CDH23: variants seen among roughly 807,000 people sequenced by gnomAD.
CDH23 encodes cadherin-23.
Under a neutral mutation model 317.1 loss-of-function variants are expected in CDH23, and 189 were observed. The observed-to-expected ratio is 0.60, with a 90% CI of 0.53 to 0.67. The LOEUF is 0.67. Ranked by LOEUF, CDH23 falls within the 30% of genes least tolerant of loss-of-function variation. CDH23 has a pLI of 0.00. For synonymous variants in CDH23, 1,839 were observed against 1,876.8 expected (o/e 0.98, Z 0.52); for missense variants, 4,401 against 4,592.4 (o/e 0.96, Z 1.20).
rs985139709 is a variant in CDH23 at position 71,738,397 on chromosome 10, C to G, written c.4210-101C>G. On this transcript the variant is annotated intron_variant, in intron 34 of 69. Coordinates refer to ENST00000224721, the MANE Select transcript of CDH23 (RefSeq NM_022124.6). ...TGAGGGTTTGCTGATGTTCCAGAAC[C>G]CACTGGGGATCTGGTCCCTACTGGA... The G allele has an allele frequency of 4.3e-6, 6 of 1,391,632 alleles. No individual in the cohort carries two copies. In the African/African-American group the frequency reaches 8.5e-5, roughly 20 times the overall value. The allele number at this position is 1,391,632 out of a possible 1,614,324, so 86.2% of individuals were successfully genotyped here.
intron 6 of CDH23, among the ~76,000 whole-genome samples, chr10:71,549,414 G>A (rs1429354712): frequency 6.6e-6 from 1 of 152,240 alleles, no homozygotes; most frequent in East Asian, 1.9e-4. Context: ...ACTCCAGAGA[G>A]GGGTCATCTA....
chr10:71,589,610 T>A (rs1564672922), intron 9 of CDH23, among the ~76,000 whole-genome samples: 1 of 152,210 alleles, frequency 6.6e-6, no homozygotes. Context: ...ATACACACTT[T>A]CGGAGGTTAG....
At position 71,759,618 on chromosome 10, in the gene CDH23, C is replaced by A. The variant is rs1307332237; in HGVS notation, c.4845+17697C>A. Among the ~76,000 whole-genome samples the A allele has an allele frequency of 2.0e-5, 3 of 151,926 alleles. No individual in the cohort carries two copies. The East Asian group carries it at 5.8e-4, about 30-fold the overall frequency. Reference sequence around the variant, plus strand: ...TGTCAGTAGTTTGAGACCAGCCTGGCCAACATGGTGAAACCCCAGCTCCAC... The same window carrying A: ...TGTCAGTAGTTTGAGACCAGCCTGGACAACATGGTGAAACCCCAGCTCCAC... On this transcript the variant is annotated intron_variant, in intron 38 of 69. Transcript: ENST00000224721.
Position 71,654,459 on chromosome 10 carries a change from G to A in CDH23, c.1449+7842G>A, listed in dbSNP as rs543196299. On this transcript the variant is annotated intron_variant, in intron 14 of 69. Transcript: ENST00000224721. ...CACAGAGCTTGCTTCAGTTCTTATTGCCGCATAAGAAACCACCCAAACTTA... is the reference window on the plus strand; with the variant it reads ...CACAGAGCTTGCTTCAGTTCTTATTACCGCATAAGAAACCACCCAAACTTA... Among the ~76,000 whole-genome samples, 121 of 152,330 alleles carry A rather than the reference G, an allele frequency of 7.9e-4. 2 individuals are homozygous for A. Among genetic ancestry groups the A allele is most frequent in the Admixed American group, 1.6e-3 (25 of 15,292 alleles).
intron 34 of CDH23, among the ~76,000 whole-genome samples, chr10:71,736,409 C>T (rs1169463049): frequency 6.6e-6 from 1 of 152,226 alleles, no homozygotes; most frequent in East Asian, 1.9e-4. Context: ...CCTCCCTGTC[C>T]CCAGCAGCCC....
intron 21 of CDH23, among the ~76,000 whole-genome samples, chr10:71,694,602 C>G (rs923778510): frequency 3.3e-5 from 5 of 152,150 alleles, no homozygotes; most frequent in Non-Finnish European, 7.4e-5. Context: ...AGCAGGCATT[C>G]CTGCGAGGAA....
intron 14 of CDH23, among the ~76,000 whole-genome samples, chr10:71,659,984 C>CTTTTTT (rs1863579976): frequency 4.0e-5 from 5 of 124,922 alleles, no homozygotes; most frequent in Admixed American, 8.7e-5. Flanking sequence ...TTTTTTTAGA[C>CTTTTTT]GGAGCCTCGC....
chr10:71,578,062 C>T (rs140354985), intron 9 of CDH23, 70 bp downstream of exon 9: 5 of 1,444,172 alleles, frequency 3.5e-6, no homozygotes, highest in South Asian at 2.4e-5. Context: ...CAGTAGGCAT[C>T]TCAGGCTCTG....
At chr10:71,705,172 G>A in intron 25 of CDH23, 42 bp downstream of exon 25, 1 of 1,545,414 alleles carries the variant, frequency 6.5e-7, no homozygotes, top group Non-Finnish European at 8.8e-7. Flanking sequence ...TCAGTGTGTG[G>A]GCACAGGCCT....
intron 1 of CDH23, among the ~76,000 whole-genome samples, chr10:71,426,466 A>G (rs1220373929): frequency 6.6e-6 from 1 of 152,104 alleles, no homozygotes; most frequent in African/African-American, 2.4e-5. Flanking sequence ...TGGCTGGCAC[A>G]GGTTGGCTCA....
rs758660977 is a variant in CDH23, at chr10:71,706,875, C to T, written c.2954-22C>T. 6.3e-6 allele frequency: 10 copies of T among 1,576,016 alleles called. No individual in the cohort carries two copies. The East Asian group carries it at 1.2e-4, about 18-fold the overall frequency. ...CTGCGGCAGAAGCCAGGCCTAGCCC[C>T]GGCGCCCGTTCTGCCCCGCAGTGCT... On this transcript the variant is annotated intron_variant, in intron 25 of 69. Transcript: ENST00000224721.
intron 28 of CDH23, among the ~76,000 whole-genome samples, chr10:71,723,087 A>G (rs1039947710): frequency 2.0e-5 from 3 of 152,188 alleles, no homozygotes; most frequent in African/African-American, 7.2e-5. Context: ...TCCCATGCAC[A>G]CCACAGGGCT....
intron 9 of CDH23, among the ~76,000 whole-genome samples, chr10:71,586,123 G>A (rs1364409239): frequency 2.0e-5 from 3 of 152,212 alleles, no homozygotes; most frequent in Middle Eastern, 3.4e-3. Flanking sequence ...TCTTTTTATT[G>A]GTCCACTCAG....
intron 3 of CDH23, among the ~76,000 whole-genome samples, chr10:71,496,134 T>C (rs1205084324): frequency 6.6e-6 from 1 of 152,252 alleles, no homozygotes; most frequent in African/African-American, 2.4e-5. Context: ...AGAATACTGC[T>C]GTCTGGGTCC....
chr10:71,518,393 G>A (rs773509807), intron 6 of CDH23, among the ~76,000 whole-genome samples: 2 of 152,218 alleles, frequency 1.3e-5, no homozygotes, highest in Non-Finnish European at 2.9e-5. Flanking sequence ...TTGCAGGGCT[G>A]AGGCCCTGAT....
chr10:71,672,062 A>G (rs1489250277), intron 14 of CDH23, among the ~76,000 whole-genome samples: 1 of 151,948 alleles, frequency 6.6e-6, no homozygotes, highest in Non-Finnish European at 1.5e-5. Flanking sequence ...GGGGAGACGC[A>G]CGTTAACCTT....
intron 6 of CDH23, among the ~76,000 whole-genome samples, chr10:71,540,620 C>T (rs935472421): frequency 4.6e-5 from 7 of 152,156 alleles, no homozygotes; most frequent in Non-Finnish European, 1.0e-4. Flanking sequence ...AAAGAAGGCT[C>T]TGAGATGGGG....
At chr10:71,593,222 C>G (rs1859617946) in intron 9 of CDH23, among the ~76,000 whole-genome samples, 2 of 152,050 alleles carry the variant, frequency 1.3e-5, no homozygotes, top group African/African-American at 4.8e-5. Flanking sequence ...CCGCAAATCA[C>G]CGAGGAAAGG....
At chr10:71,491,425 T>C (rs988994724) in intron 3 of CDH23, among the ~76,000 whole-genome samples, 2 of 152,204 alleles carry the variant, frequency 1.3e-5, no homozygotes, top group African/African-American at 4.8e-5. Flanking sequence ...TTGGGCACAC[T>C]GTCGAAATCC....
Sources: allele counts gnomAD v4.1 joint callset (sites outside exome capture counted in the v4.1 genomes callset), GRCh38; gene constraint gnomAD v4.1.1; transcripts MANE v1.5; gene names NCBI Gene and HGNC (gene_info 2026-07-23, HGNC 2026-07-21).